Variants in CWC22 observed in about 807,000 individuals in gnomAD.
CWC22 encodes the protein CWC22 spliceosome associated protein, also known as pre-mRNA-splicing factor CWC22 homolog.
Under a neutral mutation model 117.2 loss-of-function variants are expected in CWC22, and 53 were observed. The ratio of observed to expected loss-of-function variants is 0.45; its 90% CI spans 0.36 to 0.57. CWC22 has a LOEUF of 0.57. CWC22 is among the 20% of genes least tolerant of loss of function. The pLI, the probability that CWC22 is intolerant of heterozygous loss-of-function variation, is 0.00. For synonymous variants in CWC22, 360 were observed against 355.6 expected (o/e 1.01, Z -0.14); for missense variants, 980 against 1,068.8 (o/e 0.92, Z 1.16).
chr2:179,972,962 T>C (rs1242436649), intron 8 of CWC22, among the ~76,000 whole-genome samples: 1 of 151,938 alleles, frequency 6.6e-6, no homozygotes, highest in Non-Finnish European at 1.5e-5. Context: ...TGAGCCAAGA[T>C]TGTGCCACTG....
chr2:179,991,253 G>C (rs972872599), intron 2 of CWC22, among the ~76,000 whole-genome samples: 1 of 150,958 alleles, frequency 6.6e-6, no homozygotes, highest in Non-Finnish European at 1.5e-5. Flanking sequence ...GGAGGTGCTG[G>C]AAGAGGTAGG....
intron 19 of CWC22, among the ~76,000 whole-genome samples, chr2:179,948,633 T>C (rs1289911611): frequency 6.6e-6 from 1 of 152,152 alleles, no homozygotes; most frequent in Admixed American, 6.6e-5. Flanking sequence ...TAATGTACTC[T>C]TGCCAAAAAT....
At chr2:179,962,835 G>A (rs1686788996) in intron 13 of CWC22, among the ~76,000 whole-genome samples, 1 of 151,960 alleles carries the variant, frequency 6.6e-6, no homozygotes, top group African/African-American at 2.4e-5. Context: ...AATGATGAAT[G>A]TTTAAAGAGA....
At chr2:179,968,324 T>C (rs1458501517) in intron 11 of CWC22, among the ~76,000 whole-genome samples, 3 of 152,158 alleles carry the variant, frequency 2.0e-5, no homozygotes. Flanking sequence ...GGCATTTATC[T>C]GAAAAGGCTG....
intron 14 of CWC22, among the ~76,000 whole-genome samples, chr2:179,955,938 T>C (rs750714173): frequency 6.6e-6 from 1 of 152,112 alleles, no homozygotes; most frequent in South Asian, 2.1e-4. Flanking sequence ...ATCAGTGTAA[T>C]CTTTTCTATA....
At chr2:180,004,430 C>G (rs56268693) in intron 1 of CWC22, among the ~76,000 whole-genome samples, 1 of 151,834 alleles carries the variant, frequency 6.6e-6, no homozygotes, top group African/African-American at 2.4e-5. Flanking sequence ...CTCACTTTAT[C>G]GCCCAAGCTG....
rs1005230046 is a variant in CWC22 at position 179,959,013 on chromosome 2, T to C, written c.1458+9A>G. On this transcript the variant is annotated intron_variant, in intron 14 of 19. Transcript: ENST00000410053. ...TATACATTTCCTAATAGAAAAAGTA[T>C]TAACATACTGTTTGGCTTTCAGGAA... is the stretch of plus-strand genomic sequence containing the variant. The C allele has an allele frequency of 2.0e-6, 3 of 1,517,756 alleles. No individual in the cohort carries two copies. The highest frequency in any genetic ancestry group is 1.4e-5 in the African/African-American group (1 of 72,452). The allele number at this position is 1,517,756 out of a possible 1,614,324, so 94.0% of individuals were successfully genotyped here. A position where few individuals can be genotyped will look rare whatever the true frequency, so the allele number is the denominator to read the frequency against.
chr2:179,993,331 C>T lies in CWC22; in HGVS notation c.11G>A (p.Ser4Asn), dbSNP rs1687617811. Residue 4 changes from serine to asparagine, a missense_variant, in exon 2 of 20, where the codon AGT (serine) becomes AAT (asparagine). By Grantham distance (46) the Ser-to-Asn change is conservative. Transcript: ENST00000410053. Reference protein sequence around the residue: MKSSVAQIKPSSGH... With the variant: MKSNVAQIKPSSGH... ...AACACTTACTTTTATCTGTGCCACA[C>T]TACTTTTCATTTTCTGTTGCCAGTT... is the stretch of plus-strand genomic sequence containing the variant. 1 of 1,567,094 alleles carries T rather than the reference C, an allele frequency of 6.4e-7. No homozygotes were observed. The highest frequency in any genetic ancestry group is 8.7e-7 in the Non-Finnish European group (1 of 1,153,500).
At chr2:179,952,392 C>A (rs1194384384) in intron 17 of CWC22, 79 bp downstream of exon 17, 1 of 1,037,982 alleles carries the variant, frequency 9.6e-7, no homozygotes, top group Non-Finnish European at 1.3e-6. Context: ...TTTTTACAGT[C>A]TCGGATGGGC....
chr2:179,969,951 G>A (rs1686989796), intron 11 of CWC22, among the ~76,000 whole-genome samples: 2 of 152,040 alleles, frequency 1.3e-5, no homozygotes, highest in African/African-American at 4.8e-5. Flanking sequence ...ACTTGCTACA[G>A]GTCACTCAGC....
chr2:179,970,730 C>T lies in CWC22; in HGVS notation c.1067G>A (p.Gly356Asp), dbSNP rs763949244. The T allele has an allele frequency of 2.5e-6, 4 of 1,613,574 alleles. No homozygotes were observed. Among genetic ancestry groups the T allele is most frequent in the African/African-American group, 2.7e-5 (2 of 74,890 alleles). The change falls in exon 10 of 20, where the codon GGT becomes GAT. Residue 356 changes from glycine to aspartate, a missense_variant. By Grantham distance (94) the Gly-to-Asp change is moderately conservative. This residue lies in a region of CWC22 where 559 missense variants were observed against 602.3 expected (regional missense o/e 0.93). Transcript: ENST00000410053. ...GFKDHPIILEGLDLVEEDDQF... is the reference protein window; with the variant it reads ...GFKDHPIILEDLDLVEEDDQF... The stretch of plus-strand genomic sequence containing the variant: ...ATCATCTTCTTCCACCAAATCAAGA[C>T]CTTCTAGGATAATGGGGTGGTCCTT...
intron 6 of CWC22, among the ~76,000 whole-genome samples, chr2:179,974,093 T>C (rs973302841): frequency 5.3e-5 from 8 of 152,192 alleles, no homozygotes; most frequent in African/African-American, 1.7e-4. Flanking sequence ...AATCATGAAT[T>C]TGAACCTTAA....
chr2:179,964,841 T>G (rs1029138008), intron 12 of CWC22, among the ~76,000 whole-genome samples: 4 of 152,164 alleles, frequency 2.6e-5, no homozygotes, highest in African/African-American at 9.7e-5. Context: ...AGAAGTCCAG[T>G]ACCAAGCCAA....
Position 179,981,734 on chromosome 2 carries a change from T to A in CWC22, c.452+18A>T. On this transcript the variant is annotated intron_variant, in intron 5 of 19. Transcript: ENST00000410053. The stretch of plus-strand genomic sequence containing the variant: ...ATGACAATTTCATGGCTTTGTATAC[T>A]GATTGATATAAACATGCCTGTTTTT... 6.3e-7 allele frequency: 1 copy of A among 1,599,282 alleles called. No individual in the cohort carries two copies. Among genetic ancestry groups the A allele is most frequent in the Non-Finnish European group, 8.6e-7 (1 of 1,167,736 alleles).
In CWC22 at chr2:179,945,497, C is replaced by T; in HGVS notation, c.2359G>A (p.Asp787Asn). The change falls in exon 20 of 20, where the codon GAC becomes AAC. Residue 787 changes from aspartate (D) to asparagine (N), a missense_variant. This residue lies in a region of CWC22 where 306 missense variants were observed against 296.8 expected (regional missense o/e 1.03). Transcript: ENST00000410053. ...TTTCGTTCAGAAGGAACATCTTTGT[C>T]TGATGTGTACTTTGTTATAGGATCT... ...WRDPITKYTS[D>N]KDVPSERNNY... 6.2e-7 allele frequency: 1 copy of T among 1,613,014 alleles called. No individual in the cohort carries two copies. The highest frequency in any genetic ancestry group is 8.5e-7 in the Non-Finnish European group (1 of 1,179,306).
intron 14 of CWC22, among the ~76,000 whole-genome samples, chr2:179,957,516 T>A (rs1686626210): frequency 6.6e-6 from 1 of 152,220 alleles, no homozygotes; most frequent in Non-Finnish European, 1.5e-5. Flanking sequence ...GAATGAGTCT[T>A]GCTATATTCC....
intron 4 of CWC22, among the ~76,000 whole-genome samples, chr2:179,982,266 G>C (rs1335292438): frequency 6.6e-6 from 1 of 152,164 alleles, no homozygotes; most frequent in African/African-American, 2.4e-5. Flanking sequence ...AATAATTATT[G>C]AAAGACTGAG....
intron 1 of CWC22, among the ~76,000 whole-genome samples, chr2:180,004,558 A>AT (rs1001783981): frequency 4.0e-5 from 6 of 151,720 alleles, no homozygotes; most frequent in African/African-American, 7.3e-5. Flanking sequence ...CACCCTGCTG[A>AT]TTTTTTTTGT....
At chr2:179,995,166 T>A (rs1205659467) in intron 1 of CWC22, among the ~76,000 whole-genome samples, 1 of 152,236 alleles carries the variant, frequency 6.6e-6, no homozygotes, top group East Asian at 1.9e-4. Context: ...TAAATCCTGA[T>A]GCCCACAGAC....
Sources: gnomAD v4.1 joint callset for allele counts (sites outside exome capture counted in the v4.1 genomes callset) on GRCh38, gnomAD v4.1.1 for gene constraint, gnomAD v4.1.1 regional missense constraint, MANE v1.5 for transcripts, NCBI Gene and HGNC (gene_info 2026-07-23, HGNC 2026-07-21) for gene names.